Variants in TRAPPC9 observed in about 807,000 individuals in gnomAD.
TRAPPC9 encodes the protein IKK2 binding protein.
TRAPPC9 carries 83 observed loss-of-function variants against 124.0 expected under a neutral mutation model. That is an observed-to-expected ratio of 0.67 (90% confidence interval 0.56 to 0.80). TRAPPC9 has a LOEUF of 0.80. Among genes scored for constraint, TRAPPC9 ranks in the 30% least tolerant of loss-of-function variants. The pLI, the probability that TRAPPC9 is intolerant of heterozygous loss-of-function variation, is 0.00. For synonymous variants in TRAPPC9, 638 were observed against 617.5 expected, an observed-to-expected ratio of 1.03 and a Z score of -0.49; for missense variants, 1,302 against 1,508.3, an observed-to-expected ratio of 0.86 and a Z score of 2.27.
At chr8:140,348,647 A>G (rs1235451311) in intron 9 of TRAPPC9, among the ~76,000 whole-genome samples, 1 of 152,242 alleles carries the variant, frequency 6.6e-6, no homozygotes, top group Non-Finnish European at 1.5e-5. Context: ...TAATGCATTC[A>G]ACTATAGGTG....
rs2319584 is a variant in TRAPPC9 at position 139,971,816 on chromosome 8, T to C, written c.2810+16910A>G. Among the ~76,000 whole-genome samples, 332 of 145,818 alleles carry C rather than the reference T, an allele frequency of 2.3e-3. 2 individuals carry two copies. The highest frequency in any genetic ancestry group is 4.4e-3 in the Admixed American group (63 of 14,412). ...ACATATATATATACATATATATATA[T>C]ACACACACACACACAATTTTTTTTT... On this transcript the variant is annotated intron_variant, in intron 19 of 22. Coordinates refer to ENST00000438773, the MANE Select transcript of TRAPPC9 (RefSeq NM_001160372.4).
chr8:139,902,014 A>G (rs1412269058), intron 20 of TRAPPC9, among the ~76,000 whole-genome samples: 1 of 152,178 alleles, frequency 6.6e-6, no homozygotes, highest in African/African-American at 2.4e-5. Context: ...TTATGATTCT[A>G]TTACATAAGC....
rs943058177 is a variant in TRAPPC9, at chr8:140,056,723, T to G, written c.2557-32644A>C. Among the ~76,000 whole-genome samples the G allele has an allele frequency of 2.0e-5, 3 of 152,086 alleles. No individual in the cohort carries two copies. In the East Asian group the frequency reaches 5.8e-4, roughly 29 times the overall value. On this transcript the variant is annotated intron_variant, in intron 17 of 22. Transcript: ENST00000438773. ...ATGTTAAAACTCCAAGAAGAAAACATAAGGGAAATGCTTCATGACTTGGTC... is the reference window on the plus strand; with the variant it reads ...ATGTTAAAACTCCAAGAAGAAAACAGAAGGGAAATGCTTCATGACTTGGTC...
chr8:140,422,673 G>A (rs1000833561), intron 5 of TRAPPC9, among the ~76,000 whole-genome samples: 9 of 147,872 alleles, frequency 6.1e-5, no homozygotes, highest in African/African-American at 7.4e-5. Context: ...AGAATCGCTC[G>A]AACCCGGGTG....
intron 21 of TRAPPC9, among the ~76,000 whole-genome samples, chr8:139,740,334 C>T (rs1224339617): frequency 6.6e-6 from 1 of 152,232 alleles, no homozygotes; most frequent in East Asian, 1.9e-4. Flanking sequence ...GGTAGAAACA[C>T]GGGCTATAAG....
intron 9 of TRAPPC9, among the ~76,000 whole-genome samples, chr8:140,358,755 G>A (rs1247149280): frequency 6.6e-6 from 1 of 152,220 alleles, no homozygotes; most frequent in Non-Finnish European, 1.5e-5. Flanking sequence ...GCACTGCAGG[G>A]GGCAGTAATG....
intron 17 of TRAPPC9, among the ~76,000 whole-genome samples, chr8:140,067,457 T>C (rs1209757804): frequency 1.3e-5 from 2 of 152,226 alleles, no homozygotes; most frequent in Non-Finnish European, 2.9e-5. Flanking sequence ...TTCTAAGTTT[T>C]TAAATGATCA....
chr8:140,256,098 G>A (rs1588024138), intron 15 of TRAPPC9, among the ~76,000 whole-genome samples: 1 of 152,184 alleles, frequency 6.6e-6, no homozygotes, highest in African/African-American at 2.4e-5. Flanking sequence ...CAAGCTTTGG[G>A]GGCAAAGGGT....
At chr8:140,002,261 A>G (rs1838453078) in intron 18 of TRAPPC9, among the ~76,000 whole-genome samples, 1 of 152,016 alleles carries the variant, frequency 6.6e-6, no homozygotes, top group South Asian at 2.1e-4. Flanking sequence ...ATAGAAAAAA[A>G]CCCCTTAATC....
intron 21 of TRAPPC9, among the ~76,000 whole-genome samples, chr8:139,835,869 T>C (rs1056805392): frequency 6.6e-6 from 1 of 151,956 alleles, no homozygotes; most frequent in Non-Finnish European, 1.5e-5. Flanking sequence ...ACCACCCCAA[T>C]CAGCAGTGGA....
At chr8:139,882,480 A>G (rs1413510273) in intron 21 of TRAPPC9, among the ~76,000 whole-genome samples, 3 of 152,052 alleles carry the variant, frequency 2.0e-5, no homozygotes, top group African/African-American at 7.2e-5. Flanking sequence ...CTTTTCTCTC[A>G]CCCTGTCCCC....
Position 140,156,961 on chromosome 8 carries a change from T to TTTTCCATTCAGAAGCCTCCC in TRAPPC9, c.2556+64497_2556+64498insGGGAGGCTTCTGAATGGAAA, listed in dbSNP as rs1563803936. Among the ~76,000 whole-genome samples, 720 of 99,592 alleles carry TTTTCCATTCAGAAGCCTCCC rather than the reference T, an allele frequency of 7.2e-3. 73 individuals are homozygous for TTTTCCATTCAGAAGCCTCCC. Among genetic ancestry groups the TTTTCCATTCAGAAGCCTCCC allele is most frequent in the African/African-American group, 0.03 (682 of 22,618 alleles). The allele number at this position is 99,592 out of a possible 152,430, so 65.3% of individuals were successfully genotyped here. A position where few individuals can be genotyped will look rare whatever the true frequency, so the allele number is the denominator to read the frequency against. ...CTCCCTTTCCATTCAAAAGCCTCCC[T>TTTTCCATTCAGAAGCCTCCC]TTTCCATTCAAAAGCCTCCCTTTCC... On this transcript the variant is annotated intron_variant, in intron 17 of 22. Transcript: ENST00000438773.
chr8:140,130,015 A>T (rs2061175738), intron 17 of TRAPPC9, among the ~76,000 whole-genome samples: 1 of 152,182 alleles, frequency 6.6e-6, no homozygotes, highest in Non-Finnish European at 1.5e-5. Flanking sequence ...GAGCAGGGAA[A>T]GGACAACGTT....
At chr8:139,824,466 A>C (rs1825483372) in intron 21 of TRAPPC9, among the ~76,000 whole-genome samples, 1 of 152,222 alleles carries the variant, frequency 6.6e-6, no homozygotes, top group African/African-American at 2.4e-5. Flanking sequence ...CCCACGTCTG[A>C]GCAGGGCGAC....
chr8:140,060,613 C>T (rs1210028016), intron 17 of TRAPPC9, among the ~76,000 whole-genome samples: 3 of 121,970 alleles, frequency 2.5e-5, no homozygotes, highest in African/African-American at 9.2e-5. Context: ...CCTACCTGTT[C>T]CTACCCATCC....
intron 19 of TRAPPC9, among the ~76,000 whole-genome samples, chr8:139,962,011 C>T (rs1835393765): frequency 8.1e-6 from 1 of 123,952 alleles, no homozygotes. Flanking sequence ...GAACTGCAGA[C>T]ATCAGGACAA....
intron 21 of TRAPPC9, among the ~76,000 whole-genome samples, chr8:139,775,227 C>T (rs921552496): frequency 2.6e-5 from 4 of 152,202 alleles, no homozygotes; most frequent in South Asian, 4.1e-4. Flanking sequence ...AGCCCCTTCC[C>T]GCCTGCCAGT....
chr8:139,777,236 A>G (rs1363265079), intron 21 of TRAPPC9, among the ~76,000 whole-genome samples: 3 of 152,226 alleles, frequency 2.0e-5, no homozygotes, highest in Non-Finnish European at 4.4e-5. Flanking sequence ...GTTAGACCAC[A>G]TGCTCCTTAG....
chr8:140,197,487 C>G (rs1391693856), intron 17 of TRAPPC9, among the ~76,000 whole-genome samples: 2 of 152,150 alleles, frequency 1.3e-5, no homozygotes, highest in Non-Finnish European at 2.9e-5. Flanking sequence ...GAATTCGAAC[C>G]CCGGGGTGTT....
Sources: gnomAD v4.1 joint callset for allele counts (sites outside exome capture counted in the v4.1 genomes callset) on GRCh38, gnomAD v4.1.1 for gene constraint, MANE v1.5 for transcripts, NCBI Gene and HGNC (gene_info 2026-07-23, HGNC 2026-07-21) for gene names.